The following PCDH9 variants were observed in gnomAD, a reference collection of about 807,000 sequenced individuals.
The protein encoded by PCDH9 is protocadherin 9, also known as protocadherin-9.
A neutral mutation model predicts 70.6 loss-of-function variants in PCDH9; 24 were observed. The ratio of observed to expected loss-of-function variants is 0.34; its 90% CI spans 0.25 to 0.48. PCDH9 has a LOEUF of 0.48. Ranked by LOEUF, PCDH9 falls within the 20% of genes least tolerant of loss-of-function variation. PCDH9 has a pLI of 0.99. For missense variants in PCDH9, 1,281 were observed against 1,503.6 expected (o/e 0.85, Z 2.45); for synonymous variants, 562 against 558.5 (o/e 1.01, Z -0.09).
At chr13:66,952,600 G>A (rs1351818273) in intron 2 of PCDH9, among the ~76,000 whole-genome samples, 1 of 152,112 alleles carries the variant, frequency 6.6e-6, no homozygotes. Context: ...GATTTAAGAG[G>A]TATCAGTTAT....
chr13:66,867,282 A>G lies in PCDH9; in HGVS notation c.3138+36222T>C, dbSNP rs546718485. ...TGAGGCACATATCTAAGGATTATTA[A>G]TGTTCTCTCTGGTGATGTTTATGGA... On this transcript the variant is annotated intron_variant, in intron 3 of 4. Transcript: ENST00000377865. 2.6e-5 allele frequency among the ~76,000 whole-genome samples: 4 copies of G among 152,268 alleles called. No homozygotes were observed. The East Asian group carries it at 7.7e-4, about 29-fold the overall frequency.
rs1371571631 is a variant in PCDH9 at position 66,304,660 on chromosome 13, G to C, written c.3709C>G (p.Leu1237Val). 7 of 1,612,304 alleles carry C rather than the reference G, an allele frequency of 4.3e-6. No individual in the cohort carries two copies. In the South Asian group the frequency reaches 7.7e-5, roughly 18 times the overall value. ...AGGTCCCATATAGCCTTTTCTTAGA[G>C]TTGGTGCTCCTTAGGACTCTCAGTA... is the stretch of plus-strand genomic sequence containing the variant. ...GATESPKEHQ[L>V] is the part of the protein sequence containing the mutation. Residue 1237 changes from leucine to valine, a missense_variant, in exon 5 of 5, where the codon CTC becomes GTC. Leu to Val is a conservative substitution (Grantham distance 32). This residue lies in a region of PCDH9 where 264 missense variants were observed against 278.8 expected (regional missense o/e 0.95). Coordinates refer to ENST00000377865, the MANE Select transcript of PCDH9 (RefSeq NM_203487.3).
chr13:66,643,352 G>A (rs560466601), intron 3 of PCDH9, among the ~76,000 whole-genome samples: 6 of 151,914 alleles, frequency 3.9e-5, no homozygotes, highest in Non-Finnish European at 7.4e-5. Flanking sequence ...CTTTTCTCCC[G>A]GGTAGAGGAG....
chr13:66,656,598 A>G (rs2077932972), intron 3 of PCDH9, among the ~76,000 whole-genome samples: 1 of 150,074 alleles, frequency 6.7e-6, no homozygotes, highest in Non-Finnish European at 1.5e-5. Flanking sequence ...TTAAAGGTAC[A>G]CATGTTGCTT....
intron 2 of PCDH9, among the ~76,000 whole-genome samples, chr13:67,115,136 C>T (rs552151265): frequency 6.6e-6 from 1 of 152,260 alleles, no homozygotes; most frequent in Admixed American, 6.5e-5. Flanking sequence ...GCTATAGAAT[C>T]CATTAACTAT....
intron 2 of PCDH9, among the ~76,000 whole-genome samples, chr13:67,170,219 TAAG>T (rs1212876359): frequency 6.6e-6 from 1 of 152,224 alleles, no homozygotes; most frequent in Non-Finnish European, 1.5e-5. Flanking sequence ...AATGCTTCAT[TAAG>T]AAAATTTAAA....
At chr13:66,496,756 A>G (rs1465503354) in intron 4 of PCDH9, among the ~76,000 whole-genome samples, 1 of 152,208 alleles carries the variant, frequency 6.6e-6, no homozygotes, top group Non-Finnish European at 1.5e-5. Context: ...AATAGTGAAC[A>G]TGGCCTTATA....
At chr13:66,782,697 T>C (rs1455671789) in intron 3 of PCDH9, 1 of 152,162 alleles carries the variant, frequency 6.6e-6, no homozygotes, top group African/African-American at 2.4e-5. Flanking sequence ...AAAATTAAAA[T>C]TACAGGTGTG....
chr13:66,619,123 A>G (rs1263933200), intron 4 of PCDH9, among the ~76,000 whole-genome samples: 2 of 152,166 alleles, frequency 1.3e-5, no homozygotes, highest in Non-Finnish European at 2.9e-5. Flanking sequence ...GTTTTATATC[A>G]ATAGCTTAAC....
At chr13:66,391,756 C>T (rs565014768) in intron 4 of PCDH9, among the ~76,000 whole-genome samples, 1 of 151,826 alleles carries the variant, frequency 6.6e-6, no homozygotes, top group South Asian at 2.1e-4. Context: ...TTATGAGTGC[C>T]ATGAAAGTGA....
At chr13:66,966,569 A>G (rs999713268) in intron 2 of PCDH9, among the ~76,000 whole-genome samples, 1 of 152,142 alleles carries the variant, frequency 6.6e-6, no homozygotes, top group African/African-American at 2.4e-5. Flanking sequence ...AGTGACAAGA[A>G]AAGCAGTTTT....
chr13:66,934,569 A>AGAAAAAGAAAAGAAAAAAAGAAAAT, intron 2 of PCDH9, among the ~76,000 whole-genome samples: 1 of 150,366 alleles, frequency 6.7e-6, no homozygotes, highest in African/African-American at 2.4e-5. Context: ...AAAAAGAAAA[A>AGAAAAAGAAAAGAAAAAAAGAAAAT]TACAAAAACT....
chr13:66,672,103 C>T (rs534923098), intron 3 of PCDH9, among the ~76,000 whole-genome samples: 1 of 152,224 alleles, frequency 6.6e-6, no homozygotes, highest in East Asian at 1.9e-4. Context: ...GACTTGGTGC[C>T]CTTTGTCCCA....
intron 2 of PCDH9, among the ~76,000 whole-genome samples, chr13:67,093,005 A>G (rs2086249455): frequency 1.3e-5 from 2 of 152,222 alleles, no homozygotes; most frequent in South Asian, 4.1e-4. Context: ...GCTATGCAAT[A>G]TCAGTTATCA....
At chr13:66,874,675 T>C (rs1488854836) in intron 3 of PCDH9, among the ~76,000 whole-genome samples, 1 of 152,044 alleles carries the variant, frequency 6.6e-6, no homozygotes, top group South Asian at 2.1e-4. Context: ...TAACATAAGA[T>C]AGGTGCTCAG....
chr13:66,739,099 G>A (rs1386660251), intron 3 of PCDH9, among the ~76,000 whole-genome samples: 64 of 138,442 alleles, frequency 4.6e-4, no homozygotes, highest in African/African-American at 1.3e-3. Flanking sequence ...GAGAAAGGTC[G>A]GGTTACCCTC....
intron 4 of PCDH9, among the ~76,000 whole-genome samples, chr13:66,410,476 T>A (rs1365448798): frequency 6.6e-6 from 1 of 152,242 alleles, no homozygotes; most frequent in Non-Finnish European, 1.5e-5. Flanking sequence ...TTCTGATTAA[T>A]TTGAATAGTT....
chr13:67,177,634 G>T (rs1333968844), intron 2 of PCDH9, among the ~76,000 whole-genome samples: 4 of 149,494 alleles, frequency 2.7e-5, no homozygotes, highest in Admixed American at 6.6e-5. Flanking sequence ...GAATATTGGT[G>T]TTGATTCCCC....
chr13:66,397,388 C>T (rs1401265138), intron 4 of PCDH9, among the ~76,000 whole-genome samples: 1 of 151,874 alleles, frequency 6.6e-6, no homozygotes, highest in Non-Finnish European at 1.5e-5. Flanking sequence ...CACTGCACCC[C>T]AGCCTGGGTG....
Sources: allele counts gnomAD v4.1 joint callset (sites outside exome capture counted in the v4.1 genomes callset), GRCh38; gene constraint gnomAD v4.1.1; regional missense constraint gnomAD v4.1.1; transcripts MANE v1.5; gene names NCBI Gene and HGNC (gene_info 2026-07-23, HGNC 2026-07-21).